The following ANKRD50 variants were observed in gnomAD, a reference collection of about 807,000 sequenced individuals.
ANKRD50 encodes ankyrin repeat domain-containing protein 50.
ANKRD50 carries 40 observed loss-of-function variants against 112.0 expected under a neutral mutation model. That is an observed-to-expected ratio of 0.36 (90% confidence interval 0.28 to 0.46). ANKRD50 has a LOEUF of 0.46. Among genes scored for constraint, ANKRD50 ranks in the 20% least tolerant of loss-of-function variants. The pLI, the probability that ANKRD50 is intolerant of heterozygous loss-of-function variation, is 1.00. For synonymous variants in ANKRD50, 613 were observed against 619.1 expected (o/e 0.99, Z 0.15); for missense variants, 1,487 against 1,701.7 (o/e 0.87, Z 2.22).
chr4:124,710,857 T>C lies in ANKRD50; in HGVS notation c.-346A>G, dbSNP rs1230000571. 9.6e-6 allele frequency: 4 copies of C among 417,110 alleles called. No individual in the cohort carries two copies. The highest frequency in any genetic ancestry group is 6.1e-5 in the African/African-American group (3 of 49,284). 25.8% of individuals were successfully genotyped at this position (417,110 alleles called of 1,614,324 possible). On this transcript the variant is annotated 5_prime_UTR_variant, in exon 2 of 5. It removes an upstream start codon present in the reference 5' UTR. Transcript: ENST00000504087. The stretch of plus-strand genomic sequence containing the variant: ...TCAAGAACAGAGATGAGACAATACA[T>C]GTGGAAAACTAAAGAAAAAACCCAA...
intron 2 of ANKRD50, among the ~76,000 whole-genome samples, chr4:124,696,252 A>C (rs1435661605): frequency 6.6e-6 from 1 of 152,094 alleles, no homozygotes; most frequent in Non-Finnish European, 1.5e-5. Context: ...GGAACCCTGA[A>C]TGTATTCAAC....
rs1296849107 is a variant in ANKRD50 at position 124,665,734 on chromosome 4, T to C, written c.*1784A>G. The C allele has an allele frequency of 1.3e-5, 2 of 152,550 alleles. No individual in the cohort carries two copies. Among genetic ancestry groups the C allele is most frequent in the South Asian group, 2.1e-4 (1 of 4,830 alleles). 9.4% of individuals were successfully genotyped at this position (152,550 alleles called of 1,614,324 possible). A position where few individuals can be genotyped will look rare whatever the true frequency, so the allele number is the denominator to read the frequency against. On this transcript the variant is annotated 3_prime_UTR_variant, in exon 5 of 5. Coordinates refer to ENST00000504087, the MANE Select transcript of ANKRD50 (RefSeq NM_020337.3). Reference sequence around the variant, plus strand: ...AACATTCACATTTGAGTTATTAATATTGCCATGTCACCTTAATATCAATTG... The same window carrying C: ...AACATTCACATTTGAGTTATTAATACTGCCATGTCACCTTAATATCAATTG...
chr4:124,675,530 T>A (rs2110511110), intron 3 of ANKRD50, among the ~76,000 whole-genome samples: 1 of 151,634 alleles, frequency 6.6e-6, no homozygotes, highest in East Asian at 1.9e-4. Context: ...AAGCAGAAAA[T>A]CAAATTGATA....
chr4:124,707,907 T>C (rs1725541361), intron 2 of ANKRD50, among the ~76,000 whole-genome samples: 2 of 152,160 alleles, frequency 1.3e-5, no homozygotes, highest in African/African-American at 2.4e-5. Context: ...GAGAAAGCTA[T>C]GCTTAGGATC....
chr4:124,685,392 A>G (rs1402515052), intron 2 of ANKRD50, among the ~76,000 whole-genome samples: 1 of 152,216 alleles, frequency 6.6e-6, no homozygotes, highest in Non-Finnish European at 1.5e-5. Flanking sequence ...CCTTTCAATT[A>G]TTTCAAAAGC....
At chr4:124,675,618 T>A (rs1730756488) in intron 3 of ANKRD50, among the ~76,000 whole-genome samples, 1 of 151,818 alleles carries the variant, frequency 6.6e-6, no homozygotes, top group African/African-American at 2.4e-5. Context: ...AGCACTCTTA[T>A]TAGTATCTGG....
At position 124,671,012 on chromosome 4, in the gene ANKRD50, A is replaced by G. The variant is rs1452292661; in HGVS notation, c.2265T>C (p.Ala755=). Residue 755 remains alanine (A), a synonymous_variant, in exon 4 of 5, where the codon GCT becomes GCC. Coordinates refer to ENST00000504087, the MANE Select transcript of ANKRD50 (RefSeq NM_020337.3). ...DKDGMTPLLV[A]AYEGHVDVVD... is the part of the protein sequence containing the mutation. The stretch of plus-strand genomic sequence containing the variant: ...CCACATCAACATGTCCTTCATAGGC[A>G]GCTACCAGCAGTGGAGTCATGCCAT... 2.5e-6 allele frequency: 4 copies of G among 1,613,852 alleles called. No individual in the cohort carries two copies. Among genetic ancestry groups the G allele is most frequent in the Non-Finnish European group, 3.4e-6 (4 of 1,179,866 alleles).
intron 3 of ANKRD50, among the ~76,000 whole-genome samples, chr4:124,677,871 C>T (rs1724754400): frequency 6.6e-6 from 1 of 152,026 alleles, no homozygotes; most frequent in Non-Finnish European, 1.5e-5. Context: ...GGGGCTTCTA[C>T]TGTACCTATG....
intron 4 of ANKRD50, 86 bp from the exon 5 acceptor site, chr4:124,667,600 CTCTATATA>C (rs1338195058): frequency 6.6e-6 from 1 of 151,894 alleles, no homozygotes; most frequent in Non-Finnish European, 1.5e-5. Context: ...ATACATTTAC[CTCTATATA>C]TCTTTATCTA....
At chr4:124,691,096 A>G (rs1033903115) in intron 2 of ANKRD50, among the ~76,000 whole-genome samples, 1 of 152,218 alleles carries the variant, frequency 6.6e-6, no homozygotes, top group Non-Finnish European at 1.5e-5. Context: ...ATAGAGGAAG[A>G]GGCTCTATGG....
rs143999281 is a variant in ANKRD50, at chr4:124,677,430, A to G, written c.742+1246T>C. Reference sequence around the variant, plus strand: ...AAATAAAAAGAGATTTATTGATGGGAAGGAGTACTATCTACCAATTAAAAC... The same window carrying G: ...AAATAAAAAGAGATTTATTGATGGGGAGGAGTACTATCTACCAATTAAAAC... On this transcript the variant is annotated intron_variant, in intron 3 of 4. Transcript: ENST00000504087. Among the ~76,000 whole-genome samples, 718 of 151,968 alleles carry G rather than the reference A, an allele frequency of 4.7e-3. 3 individuals carry two copies. Among genetic ancestry groups the G allele is most frequent in the Non-Finnish European group, 8.9e-3 (600 of 67,778 alleles).
chr4:124,698,964 T>C (rs1049354584), intron 2 of ANKRD50, among the ~76,000 whole-genome samples: 1 of 152,170 alleles, frequency 6.6e-6, no homozygotes, highest in African/African-American at 2.4e-5. Flanking sequence ...TTTTGTGTTA[T>C]TGTAAAAAAC....
chr4:124,691,449 G>A (rs1292726646), intron 2 of ANKRD50, among the ~76,000 whole-genome samples: 2 of 119,102 alleles, frequency 1.7e-5, no homozygotes, highest in East Asian at 2.8e-4. Flanking sequence ...CCGAGATTGC[G>A]CCACTGCAGT....
chr4:124,699,968 T>C (rs912318563), intron 2 of ANKRD50, among the ~76,000 whole-genome samples: 5 of 152,206 alleles, frequency 3.3e-5, no homozygotes, highest in African/African-American at 1.2e-4. Context: ...TACTCTGTTA[T>C]GCCAATAGAT....
At chr4:124,693,993 T>C (rs1026325036) in intron 2 of ANKRD50, among the ~76,000 whole-genome samples, 1 of 152,000 alleles carries the variant, frequency 6.6e-6, no homozygotes, top group African/African-American at 2.4e-5. Flanking sequence ...GTAGAAAAAA[T>C]AATGCACTAA....
intron 2 of ANKRD50, among the ~76,000 whole-genome samples, chr4:124,694,027 T>C (rs1293958638): frequency 2.0e-5 from 3 of 152,172 alleles, no homozygotes. Flanking sequence ...ATATATCTTG[T>C]CTTATTTTGG....
chr4:124,697,618 A>G (rs1725282271), intron 2 of ANKRD50, among the ~76,000 whole-genome samples: 1 of 152,148 alleles, frequency 6.6e-6, no homozygotes, highest in African/African-American at 2.4e-5. Context: ...CCTCATCAGA[A>G]GCCAAGCAGA....
intron 2 of ANKRD50, among the ~76,000 whole-genome samples, chr4:124,684,776 G>T (rs2110516069): frequency 6.6e-6 from 1 of 152,232 alleles, no homozygotes; most frequent in Non-Finnish European, 1.5e-5. Context: ...TTATTCCCCA[G>T]TACTATTTAA....
Position 124,671,867 on chromosome 4 carries a change from C to T in ANKRD50, c.1410G>A (p.Glu470=). ...CATTCCATATCATCCACAGAGCTAA[C>T]TCCGCTGTCTCTAATTGTAAGTTTG... ...INSNLQLETA[E]LALWMIWNGT... Residue 470 remains glutamate (E), a synonymous_variant, in exon 4 of 5, where the codon GAG becomes GAA. Transcript: ENST00000504087. 3.7e-6 allele frequency: 6 copies of T among 1,613,876 alleles called. No individual in the cohort carries two copies. The highest frequency in any genetic ancestry group is 5.1e-6 in the Non-Finnish European group (6 of 1,179,858).
Sources: gnomAD v4.1 joint callset for allele counts (sites outside exome capture counted in the v4.1 genomes callset) on GRCh38, gnomAD v4.1.1 for gene constraint, MANE v1.5 for transcripts, NCBI Gene and HGNC (gene_info 2026-07-23, HGNC 2026-07-21) for gene names.